Variants in FAM9B observed in about 807,000 individuals in gnomAD.
The protein encoded by FAM9B is protein FAM9B.
FAM9B carries 18 observed loss-of-function variants against 16.6 expected under a neutral mutation model. That is an observed-to-expected ratio of 1.09 (90% CI 0.75 to 1.61). The LOEUF (loss-of-function observed/expected upper bound fraction) is 1.61, where lower values mean the gene tolerates loss of function less well. Ranked by LOEUF, FAM9B falls within the 40% of genes most tolerant of loss-of-function variation. FAM9B has a pLI of 0.00. For missense variants in FAM9B, 155 were observed against 136.0 expected (o/e 1.14, Z -0.70); for synonymous variants, 43 against 42.6 (o/e 1.01, Z -0.03).
chrX:9,029,405 A>C lies in FAM9B; in HGVS notation c.295T>G (p.Tyr99Asp), dbSNP rs1375437671. ...KKQLKRQKRD[Y>D]IHSLKLLNVL... Reference sequence around the variant, plus strand: ...TTTAGCAACTTCAGAGAATGTATATAATCACGTTTCTGCCTGTAACACATA... The same window carrying C: ...TTTAGCAACTTCAGAGAATGTATATCATCACGTTTCTGCCTGTAACACATA... The change falls in exon 6 of 9, where the codon TAT (tyrosine) becomes GAT (aspartate). Residue 99 changes from tyrosine (Y) to aspartate (D), a missense_variant. Tyr to Asp is a radical substitution (Grantham distance 160). Transcript: ENST00000327220. 22 of 1,192,877 alleles carry C rather than the reference A, an allele frequency of 1.8e-5. No individual in the cohort carries two copies. The highest frequency in any genetic ancestry group is 2.0e-5 in the Non-Finnish European group (18 of 879,974).
At chrX:9,030,183 A>G (rs1293588701) in intron 5 of FAM9B, 78 bp downstream of exon 5, 1 of 1,157,577 alleles carries the variant, frequency 8.6e-7, no homozygotes, top group East Asian at 3.2e-5. Context: ...TGTACAGGAT[A>G]GTTTTTGAAA....
Position 9,032,564 on chromosome X carries a change from G to C in FAM9B, c.29-103C>G, listed in dbSNP as rs900849801. On this transcript the variant is annotated intron_variant, in intron 2 of 8. Coordinates refer to ENST00000327220, the MANE Select transcript of FAM9B (RefSeq NM_205849.3). ...GTTGTAGACTTTTTTGGGGGGGGGG[G>C]GCTCTCTGCCAATTAAAGCTTTAAA... 14 of 448,566 alleles carry C rather than the reference G, an allele frequency of 3.1e-5. 1 individual carries two copies. Among genetic ancestry groups the C allele is most frequent in the Admixed American group, 7.3e-5 (2 of 27,414 alleles). 37.0% of individuals were successfully genotyped at this position (448,566 alleles called of 1,213,427 possible).
At chrX:9,033,705 A>AACCCCC in intron 1 of FAM9B, 147 bp downstream of exon 1, 5 of 32,545 alleles carry the variant, frequency 1.5e-4, no homozygotes, top group Non-Finnish European at 1.9e-4. Flanking sequence ...ACCCTAGCCC[A>AACCCCC]CCCTCAGGGC....
chrX:9,033,950 G>A lies in FAM9B; in HGVS notation c.-188C>T. ...GTCCTCTCAGGAAGCTGAGGCAGGA[G>A]AATTGCTTGAACCCAGGAGGCGGAG... On this transcript the variant is annotated 5_prime_UTR_variant, in exon 1 of 9. Transcript: ENST00000327220. 2 of 740,597 alleles carry A rather than the reference G, an allele frequency of 2.7e-6. No homozygotes were observed. Among genetic ancestry groups the A allele is most frequent in the Non-Finnish European group, 3.2e-6 (2 of 627,096 alleles). 61.0% of individuals were successfully genotyped at this position (740,597 alleles called of 1,213,427 possible). A position where few individuals can be genotyped will look rare whatever the true frequency, so the allele number is the denominator to read the frequency against.
At position 9,032,439 on chromosome X, in the gene FAM9B, T is replaced by C. The variant is rs779179061; in HGVS notation, c.51A>G (p.Glu17=). The C allele has an allele frequency of 4.1e-6, 5 of 1,210,169 alleles. No homozygotes were observed. Among genetic ancestry groups the C allele is most frequent in the South Asian group, 1.8e-5 (1 of 56,827 alleles). The change falls in exon 3 of 9, where the codon GAA becomes GAG. Residue 17 remains glutamate (E), a synonymous_variant. Coordinates refer to ENST00000327220, the MANE Select transcript of FAM9B (RefSeq NM_205849.3). ...KHAGKDPVRD[E]CEERNRFTET... ...CTGTAAAACGGTTTCTTTCCTCACA[T>C]TCATCACGGACTGGATCCTTTCCTG...
chrX:9,026,040 C>T (rs1280935624), intron 7 of FAM9B, among the ~76,000 whole-genome samples: 2 of 111,788 alleles, frequency 1.8e-5, no homozygotes, highest in Non-Finnish European at 3.8e-5. Flanking sequence ...GAAATATATA[C>T]TCTTTACTCA....
chrX:9,029,524 G>T (rs1921009403), intron 5 of FAM9B, 106 bp from the exon 6 acceptor site: 2 of 473,912 alleles, frequency 4.2e-6, no homozygotes, highest in Middle Eastern at 6.2e-4. Context: ...AAAGTAGCAA[G>T]GGAGTAATAG....
intron 2 of FAM9B, 27 bp from the exon 3 acceptor site, chrX:9,032,488 T>A: frequency 9.3e-7 from 1 of 1,075,358 alleles, no homozygotes; most frequent in Non-Finnish European, 1.2e-6. Flanking sequence ...AAGACAAACC[T>A]TTTTTAGAGG....
intron 1 of FAM9B, 130 bp from the exon 2 acceptor site, chrX:9,033,205 G>A: frequency 5.5e-5 from 62 of 1,134,307 alleles, no homozygotes; most frequent in Non-Finnish European, 7.1e-5. Flanking sequence ...AGGAAGGGAC[G>A]GAAAAGATGC....
Position 9,025,351 on chromosome X carries a change from C to T in FAM9B, c.*58G>A. 2.5e-6 allele frequency: 1 copy of T among 400,937 alleles called. No homozygotes were observed. The highest frequency in any genetic ancestry group is 5.8e-5 in the South Asian group (1 of 17,224). The allele number at this position is 400,937 out of a possible 1,213,427, so 33.0% of individuals were successfully genotyped here. On this transcript the variant is annotated 3_prime_UTR_variant, in exon 9 of 9. Coordinates refer to ENST00000327220, the MANE Select transcript of FAM9B (RefSeq NM_205849.3). ...AGAATAACAGAGGTTGAAGAGACAA[C>T]TGGGTAAGTGCCAACTTTTCCAAAA...
chrX:9,032,549 T>C, intron 2 of FAM9B, 88 bp from the exon 3 acceptor site: 1 of 337,712 alleles, frequency 3.0e-6, no homozygotes, highest in Non-Finnish European at 4.9e-6. Context: ...GTTGTAGACT[T>C]TTTTGGGGGG....
intron 6 of FAM9B, among the ~76,000 whole-genome samples, 191 bp downstream of exon 6, chrX:9,029,116 G>A (rs1569138323): frequency 9.0e-6 from 1 of 111,599 alleles, no homozygotes; most frequent in Admixed American, 9.6e-5. Context: ...CTTCTTCATC[G>A]TTATGATGCT....
At chrX:9,028,547 T>G (rs1377981312) in intron 6 of FAM9B, among the ~76,000 whole-genome samples, 1 of 111,321 alleles carries the variant, frequency 9.0e-6, no homozygotes, top group Non-Finnish European at 1.9e-5. Context: ...ATGGGTCAGA[T>G]CACATCCTGA....
At chrX:9,029,215 G>A (rs1308961081) in intron 6 of FAM9B, 92 bp downstream of exon 6, 17 of 757,336 alleles carry the variant, frequency 2.2e-5, no homozygotes, top group Middle Eastern at 3.1e-4. Context: ...GGGCTCATGC[G>A]CTCTTCCTTC....
rs767014114 is a variant in FAM9B at position 9,030,244 on chromosome X, A to G, written c.281+17T>C. On this transcript the variant is annotated intron_variant, in intron 5 of 8. Coordinates refer to ENST00000327220, the MANE Select transcript of FAM9B (RefSeq NM_205849.3). ...AATGATATAAATATCATTATGCAAAAAAGCCAACAGTCATACCTTTTAAGT... is the reference window on the plus strand; with the variant it reads ...AATGATATAAATATCATTATGCAAAGAAGCCAACAGTCATACCTTTTAAGT... 1 of 1,182,689 alleles carries G rather than the reference A, an allele frequency of 8.5e-7. No homozygotes were observed. Among genetic ancestry groups the G allele is most frequent in the South Asian group, 1.9e-5 (1 of 52,511 alleles).
At chrX:9,029,651 G>T (rs977615716) in intron 5 of FAM9B, among the ~76,000 whole-genome samples, 10 of 111,676 alleles carry the variant, frequency 9.0e-5, no homozygotes, top group Non-Finnish European at 1.9e-4. Flanking sequence ...TGAAGACAAA[G>T]GAGGGTTTAC....
chrX:9,031,022 G>A (rs1326969948), intron 4 of FAM9B: 6 of 111,871 alleles, frequency 5.4e-5, no homozygotes, highest in Non-Finnish European at 1.1e-4. Flanking sequence ...TGCAAGGAAT[G>A]CTTTCCTAAA....
rs1921008363 is a variant in FAM9B, at chrX:9,029,464, A to G, written c.282-46T>C. The stretch of plus-strand genomic sequence containing the variant: ...CACGGTCATACGTCATAGAGAGATG[A>G]AAAATTAATCCTATTCAAACCCAAA... On this transcript the variant is annotated intron_variant, in intron 5 of 8. Transcript: ENST00000327220. The G allele has an allele frequency of 3.2e-6, 3 of 930,757 alleles. No individual in the cohort carries two copies. The African/African-American group carries it at 5.9e-5, about 18-fold the overall frequency. 76.7% of individuals were successfully genotyped at this position (930,757 alleles called of 1,213,427 possible).
intron 6 of FAM9B, 105 bp from the exon 7 acceptor site, chrX:9,028,071 C>G (rs781454628): frequency 2.5e-5 from 13 of 526,976 alleles, no homozygotes; most frequent in Non-Finnish European, 3.8e-5. Context: ...ATCAATACCT[C>G]TGAACACTTT....
Sources: gnomAD v4.1 joint callset for allele counts (sites outside exome capture counted in the v4.1 genomes callset) on GRCh38, gnomAD v4.1.1 for gene constraint, MANE v1.5 for transcripts, NCBI Gene and HGNC (gene_info 2026-07-23, HGNC 2026-07-21) for gene names.